ZBTB16: variants seen among roughly 807,000 people sequenced by gnomAD.
ZBTB16 encodes zinc finger and BTB domain-containing protein 16.
Under a neutral mutation model 56.8 loss-of-function variants are expected in ZBTB16, and 8 were observed. The observed-to-expected ratio is 0.14, with a 90% confidence interval of 0.08 to 0.25. The LOEUF is 0.25. Ranked by LOEUF, ZBTB16 falls within the 10% of genes least tolerant of loss-of-function variation. The pLI, the probability that ZBTB16 is intolerant of heterozygous loss-of-function variation, is 1.00. For synonymous variants in ZBTB16, 363 were observed against 368.5 expected (o/e 0.98, Z 0.17); for missense variants, 625 against 903.0 (o/e 0.69, Z 3.95).
At chr11:114,167,242 T>TG (rs1942795443) in intron 3 of ZBTB16, among the ~76,000 whole-genome samples, 1 of 138,412 alleles carries the variant, frequency 7.2e-6, no homozygotes, top group African/African-American at 2.7e-5. Flanking sequence ...GTTTTTTTTT[T>TG]TTTTTTTTTT....
At chr11:114,065,470 G>A (rs963570769) in intron 2 of ZBTB16, among the ~76,000 whole-genome samples, 2 of 152,100 alleles carry the variant, frequency 1.3e-5, no homozygotes, top group African/African-American at 2.4e-5. Flanking sequence ...AGGCTGGAGT[G>A]CAATGGTGTG....
intron 3 of ZBTB16, among the ~76,000 whole-genome samples, chr11:114,174,456 G>C (rs906226049): frequency 1.3e-5 from 2 of 152,076 alleles, no homozygotes; most frequent in Admixed American, 1.3e-4. Flanking sequence ...CAAGGTGGGC[G>C]GATCACCTGA....
At chr11:114,122,817 T>G (rs537454873) in intron 2 of ZBTB16, among the ~76,000 whole-genome samples, 16 of 152,348 alleles carry the variant, frequency 1.1e-4, no homozygotes, top group Admixed American at 1.0e-3. Flanking sequence ...TGATGCAGCT[T>G]GGATAGTTAT....
intron 2 of ZBTB16, among the ~76,000 whole-genome samples, chr11:114,074,252 C>T (rs982852278): frequency 2.0e-5 from 3 of 152,202 alleles, no homozygotes; most frequent in Non-Finnish European, 4.4e-5. Flanking sequence ...ATTAGCTCAG[C>T]GTTGTGATCT....
At chr11:114,147,265 G>A (rs564555937) in intron 2 of ZBTB16, among the ~76,000 whole-genome samples, 1 of 152,174 alleles carries the variant, frequency 6.6e-6, no homozygotes, top group Non-Finnish European at 1.5e-5. Context: ...GGGATCTGAA[G>A]GTAGCATTGT....
At chr11:114,181,137 A>G (rs1943238867) in intron 3 of ZBTB16, among the ~76,000 whole-genome samples, 1 of 152,236 alleles carries the variant, frequency 6.6e-6, no homozygotes, top group Non-Finnish European at 1.5e-5. Flanking sequence ...AATGGCCCCC[A>G]AATAACTGTA....
At position 114,247,188 on chromosome 11, in the gene ZBTB16, G is replaced by A; in HGVS notation, c.1625-10G>A. 2 of 1,614,224 alleles carry A rather than the reference G, an allele frequency of 1.2e-6. No individual in the cohort carries two copies. The highest frequency in any genetic ancestry group is 1.1e-5 in the South Asian group (1 of 91,086). ...AGGCAAAGGCCTGATCCAGCCCCTT[G>A]TCTCCACAGGCGACCACCCCTACGA... On this transcript the variant is annotated splice_polypyrimidine_tract_variant and intron_variant, in intron 5 of 6. Coordinates refer to ENST00000335953, the MANE Select transcript of ZBTB16 (RefSeq NM_006006.6).
chr11:114,199,171 G>A (rs761546780), intron 4 of ZBTB16, among the ~76,000 whole-genome samples: 10 of 152,250 alleles, frequency 6.6e-5, no homozygotes, highest in Non-Finnish European at 1.5e-4. Flanking sequence ...GCTGGGCCCC[G>A]GGACGGGGAT....
In ZBTB16 at chr11:114,242,125, A is replaced by T. The variant is rs749751901; in HGVS notation, c.1454-42A>T. The stretch of plus-strand genomic sequence containing the variant: ...CAGATGGGTAAAGAATGCACCTTGT[A>T]TTCCCACCTTTCTGAGGCACCCCCT... On this transcript the variant is annotated intron_variant, in intron 4 of 6. Coordinates refer to ENST00000335953, the MANE Select transcript of ZBTB16 (RefSeq NM_006006.6). 34 of 1,611,958 alleles carry T rather than the reference A, an allele frequency of 2.1e-5. No homozygotes were observed. In the South Asian group the frequency reaches 3.7e-4, roughly 18 times the overall value.
At chr11:114,132,014 G>A (rs754091142) in intron 2 of ZBTB16, among the ~76,000 whole-genome samples, 1 of 152,076 alleles carries the variant, frequency 6.6e-6, no homozygotes, top group African/African-American at 2.4e-5. Flanking sequence ...TGTGAAAGGG[G>A]GAGCGGCGGA....
chr11:114,111,419 A>G (rs1432976055), intron 2 of ZBTB16, among the ~76,000 whole-genome samples: 1 of 151,994 alleles, frequency 6.6e-6, no homozygotes, highest in African/African-American at 2.4e-5. Flanking sequence ...TCTCTTTCAC[A>G]TTTAAACCAA....
rs963957048 is a variant in ZBTB16 at position 114,143,432 on chromosome 11, G to T, written c.1269-12905G>T. On this transcript the variant is annotated intron_variant, in intron 2 of 6. Coordinates refer to ENST00000335953, the MANE Select transcript of ZBTB16 (RefSeq NM_006006.6). The surrounding 1 kb of genome is among the most constrained non-coding windows in gnomAD (Gnocchi z 6.4). Reference sequence around the variant, plus strand: ...AGACAGAGGCTGGGGGGGAAAGGGGGTCAGCTTTGAGAGGGGACAGAGGGG... The same window carrying T: ...AGACAGAGGCTGGGGGGGAAAGGGGTTCAGCTTTGAGAGGGGACAGAGGGG... 6.6e-6 allele frequency among the ~76,000 whole-genome samples: 1 copy of T among 152,132 alleles called. No homozygotes were observed. Among genetic ancestry groups the T allele is most frequent in the Non-Finnish European group, 1.5e-5 (1 of 68,024 alleles).
chr11:114,095,756 T>C (rs1461725568), intron 2 of ZBTB16, among the ~76,000 whole-genome samples: 11 of 152,140 alleles, frequency 7.2e-5, no homozygotes, highest in African/African-American at 2.4e-4. Flanking sequence ...CCTTTCACCC[T>C]AGCATGCTTG....
At position 114,250,853 on chromosome 11, in the gene ZBTB16, C is replaced by T. The variant is rs1357250389; in HGVS notation, c.*298C>T. The stretch of plus-strand genomic sequence containing the variant: ...TGGTGGCACATTTTTCTCCTTCCTT[C>T]ACCCAGACCTTCTTTTATGTGTCCA... On this transcript the variant is annotated 3_prime_UTR_variant, in exon 7 of 7. Coordinates refer to ENST00000335953, the MANE Select transcript of ZBTB16 (RefSeq NM_006006.6). This position sits in a 1 kb window ranked among gnomAD's most constrained non-coding sequence, Gnocchi z 6.0. 1.3e-5 allele frequency among the ~76,000 whole-genome samples: 2 copies of T among 152,120 alleles called. No homozygotes were observed. The highest frequency in any genetic ancestry group is 2.9e-5 in the Non-Finnish European group (2 of 68,024).
intron 2 of ZBTB16, among the ~76,000 whole-genome samples, chr11:114,114,440 T>C (rs933142115): frequency 2.6e-5 from 4 of 152,208 alleles, no homozygotes; most frequent in Non-Finnish European, 5.9e-5. Flanking sequence ...GGTTGATCTT[T>C]ATCTTTGCTG....
intron 2 of ZBTB16, among the ~76,000 whole-genome samples, chr11:114,129,064 C>T (rs905045141): frequency 3.3e-5 from 5 of 152,168 alleles, no homozygotes; most frequent in East Asian, 1.9e-4. Flanking sequence ...TCTGGGTCTG[C>T]GTGGGTGGGG....
chr11:114,152,216 G>A (rs373766539), intron 2 of ZBTB16, among the ~76,000 whole-genome samples: 1 of 152,212 alleles, frequency 6.6e-6, no homozygotes, highest in Non-Finnish European at 1.5e-5. Flanking sequence ...GCCTCATGAG[G>A]AAAGGAAATA....
chr11:114,147,509 A>G (rs910508318), intron 2 of ZBTB16, among the ~76,000 whole-genome samples: 1 of 152,240 alleles, frequency 6.6e-6, no homozygotes, highest in African/African-American at 2.4e-5. Context: ...AGGGCCTTTT[A>G]GGATCTGGAG....
intron 4 of ZBTB16, among the ~76,000 whole-genome samples, chr11:114,213,065 G>C (rs1944027600): frequency 6.6e-6 from 1 of 151,942 alleles, no homozygotes; most frequent in Non-Finnish European, 1.5e-5. Flanking sequence ...CCGACCCCCT[G>C]TGTGCCCACA....
Sources: gnomAD v4.1 joint callset for allele counts (sites outside exome capture counted in the v4.1 genomes callset) on GRCh38, gnomAD v4.1.1 for gene constraint, Gnocchi (gnomAD v3.1) non-coding constraint, MANE v1.5 for transcripts, NCBI Gene and HGNC (gene_info 2026-07-23, HGNC 2026-07-21) for gene names.